The following HEXD variants were observed in gnomAD, a reference collection of about 807,000 sequenced individuals.
HEXD encodes N-acetyl-beta-galactosaminidase.
In HEXD, 47 loss-of-function variants were observed where a neutral mutation model predicts 54.2. That is an observed-to-expected ratio of 0.87 (90% CI 0.69 to 1.11). The LOEUF is 1.11. HEXD is among the 50% of genes least tolerant of loss of function. The pLI is 0.00. For synonymous variants in HEXD, 293 were observed against 287.6 expected (o/e 1.02, Z -0.19); for missense variants, 576 against 649.2 (o/e 0.89, Z 1.23).
At chr17:82,430,123 C>T (rs954725930) in intron 4 of HEXD, among the ~76,000 whole-genome samples, 1 of 152,164 alleles carries the variant, frequency 6.6e-6, no homozygotes, top group Admixed American at 6.5e-5. Flanking sequence ...TGAAACTTTC[C>T]TAATGGGTCT....
chr17:82,432,243 C>T (rs113195641), intron 4 of HEXD, among the ~76,000 whole-genome samples: 40 of 152,190 alleles, frequency 2.6e-4, no homozygotes, highest in Admixed American at 9.2e-4. Flanking sequence ...GTGTGGCCCC[C>T]GTCAGCCAGG....
chr17:82,429,373 A>G (rs2053512264), intron 4 of HEXD, among the ~76,000 whole-genome samples: 1 of 152,108 alleles, frequency 6.6e-6, no homozygotes, highest in Non-Finnish European at 1.5e-5. Flanking sequence ...TTTCTCTAAC[A>G]GATACACCAT....
rs757060236 is a variant in HEXD at position 82,441,228 on chromosome 17, T to A, written c.1125T>A (p.His375Gln). The change falls in exon 11 of 13, where the codon CAT (histidine) becomes CAA (glutamine). Residue 375 changes from histidine (H) to glutamine (Q), a missense_variant. By Grantham distance (24) the His-to-Gln change is conservative. Coordinates refer to ENST00000327949, the MANE Select transcript of HEXD (RefSeq NM_001330542.2). ...CCCTTGTCACACAAGTCAGCCTCCA[T>A]CTGCGCAGCTCTGTGGATGCGCTGC... ...ILALVTQVSL[H>Q]LRSSVDALLE... The A allele has an allele frequency of 9.9e-5, 160 of 1,612,666 alleles. 1 individual carries two copies. Among genetic ancestry groups the A allele is most frequent in the Non-Finnish European group, 8.4e-5 (99 of 1,179,904 alleles).
At chr17:82,421,411 C>T (rs895928526) in intron 2 of HEXD, among the ~76,000 whole-genome samples, 1 of 152,060 alleles carries the variant, frequency 6.6e-6, no homozygotes, top group Non-Finnish European at 1.5e-5. Context: ...AGGTGGAGGT[C>T]AAAAAACACT....
chr17:82,429,041 C>T (rs2053501550), intron 4 of HEXD, among the ~76,000 whole-genome samples: 1 of 152,046 alleles, frequency 6.6e-6, no homozygotes. Context: ...TGGTGGATCA[C>T]CTGAGGTCAG....
chr17:82,442,581 C>A lies in HEXD; in HGVS notation c.*197C>A. On this transcript the variant is annotated 3_prime_UTR_variant, in exon 13 of 13. Coordinates refer to ENST00000327949, the MANE Select transcript of HEXD (RefSeq NM_001330542.2). The surrounding 1 kb of genome is among the most constrained non-coding windows in gnomAD (Gnocchi z 6.8). ...CACAGAAGGAAGCAGCACAGGGAGA[C>A]CCGCTTTGTGATCTGCATGTGTGAC... 6.4e-7 allele frequency: 1 copy of A among 1,574,368 alleles called. No individual in the cohort carries two copies. Among genetic ancestry groups the A allele is most frequent in the South Asian group, 1.1e-5 (1 of 88,684 alleles).
At chr17:82,428,671 TGGTGCCA>T (rs1444249824) in intron 4 of HEXD, 26 bp downstream of exon 4, 21 of 1,599,178 alleles carry the variant, frequency 1.3e-5, no homozygotes, top group Non-Finnish European at 1.7e-5. Flanking sequence ...GGAAGTTACC[TGGTGCCA>T]GGTGTGGGGT....
At chr17:82,427,424 A>G (rs1044031555) in intron 3 of HEXD, 8 of 152,302 alleles carry the variant, frequency 5.3e-5, no homozygotes, top group Admixed American at 3.9e-4. Flanking sequence ...CTTCGGTTCC[A>G]TGTGTCAAAA....
chr17:82,441,343 G>T, intron 11 of HEXD, 77 bp downstream of exon 11: 1 of 1,410,108 alleles, frequency 7.1e-7, no homozygotes. Flanking sequence ...GGCAGGTGTG[G>T]GTGGGAGGCA....
At chr17:82,440,503 C>G in intron 9 of HEXD, 2 of 367,590 alleles carry the variant, frequency 5.4e-6, no homozygotes, top group Non-Finnish European at 9.6e-6. Context: ...ATCCGCCACC[C>G]GTGACTGGGG....
rs942626016 is a variant in HEXD at position 82,440,280 on chromosome 17, A to G, written c.982+567A>G. 13 of 1,283,340 alleles carry G rather than the reference A, an allele frequency of 1.0e-5. No homozygotes were observed. In the African/African-American group the frequency reaches 1.7e-4, roughly 17 times the overall value. The allele number at this position is 1,283,340 out of a possible 1,614,324, so 79.5% of individuals were successfully genotyped here. A position where few individuals can be genotyped will look rare whatever the true frequency, so the allele number is the denominator to read the frequency against. On this transcript the variant is annotated intron_variant, in intron 9 of 12. Transcript: ENST00000327949. ...TGATGCAGAAAGAAAAATGGCCGAG[A>G]CGCGCGGAGAGCGGGACCCGCAGGC...
At chr17:82,422,429 G>A (rs898364234) in intron 2 of HEXD, among the ~76,000 whole-genome samples, 4 of 151,754 alleles carry the variant, frequency 2.6e-5, no homozygotes, top group Admixed American at 6.6e-5. Context: ...CCTGGGTGGT[G>A]GAGGTTGCAG....
chr17:82,442,634 A>C lies in HEXD; in HGVS notation c.*250A>C. On this transcript the variant is annotated 3_prime_UTR_variant, in exon 13 of 13. Coordinates refer to ENST00000327949, the MANE Select transcript of HEXD (RefSeq NM_001330542.2). The surrounding 1 kb of genome is among the most constrained non-coding windows in gnomAD (Gnocchi z 6.8). ...TGATTCTTTGGAAATAAAGAGTGGA[A>C]GCTGCAGGTGACACGTGAAGGGTTA... The C allele has an allele frequency of 1.3e-6, 2 of 1,522,234 alleles. No individual in the cohort carries two copies. The highest frequency in any genetic ancestry group is 1.8e-6 in the Non-Finnish European group (2 of 1,124,038). The allele number at this position is 1,522,234 out of a possible 1,614,324, so 94.3% of individuals were successfully genotyped here.
chr17:82,441,881 A>G lies in HEXD; in HGVS notation c.1245A>G (p.Ala415=), dbSNP rs781506653. The G allele has an allele frequency of 1.1e-5, 18 of 1,613,178 alleles. No individual in the cohort carries two copies. The highest frequency in any genetic ancestry group is 1.1e-4 in the South Asian group (10 of 91,088). ...HPVMVQHIQP[A]ALSLLAQWST... ...TCATGGTTCAGCACATCCAGCCCGC[A>G]GCGCTCAGGTGAGGCCCTGGGCTCT... is the stretch of plus-strand genomic sequence containing the variant. The change falls in exon 12 of 13, where the codon GCA becomes GCG. Residue 415 remains alanine, a synonymous_variant. Coordinates refer to ENST00000327949, the MANE Select transcript of HEXD (RefSeq NM_001330542.2).
At chr17:82,441,503 C>T (rs2053965834) in intron 11 of HEXD, among the ~76,000 whole-genome samples, 1 of 121,266 alleles carries the variant, frequency 8.2e-6, no homozygotes, top group Non-Finnish European at 1.6e-5. Context: ...AGCAGGCAGG[C>T]ATGGGGCAGG....
Position 82,437,264 on chromosome 17 carries a change from CT to C in HEXD, c.801del (p.Val268LeufsTer28), listed in dbSNP as rs1226234221. The C allele has an allele frequency of 1.2e-6, 2 of 1,612,288 alleles. No homozygotes were observed. The highest frequency in any genetic ancestry group is 2.2e-5 in the East Asian group (1 of 44,856). Reference protein sequence around the residue: ...GATGPSQAVPPVEHHLRNHVQ... With the variant: ...GATGPSQAVPXVEHHLRNHVQ... The stretch of plus-strand genomic sequence containing the variant: ...ACGGGGCCCAGCCAGGCCGTGCCCC[CT>C]GTTGAGCACCACCTCAGGAACCACG... On this transcript the variant is annotated frameshift_variant, in exon 8 of 13. Transcript: ENST00000327949. LOFTEE classifies it high-confidence loss of function.
chr17:82,433,697 G>A lies in HEXD; in HGVS notation c.322G>A (p.Val108Met). The change falls in exon 5 of 13, where the codon GTG (valine) becomes ATG (methionine). Residue 108 changes from valine to methionine, a missense_variant. Transcript: ENST00000327949. ...CACGGCCTTCGCCCACCTGCGGGAG[G>A]TGGGCTCCTTCCCCTGCACCCTGAA... ...KHTAFAHLRE[V>M]GSFPCTLNPH... 1.2e-6 allele frequency: 2 copies of A among 1,610,656 alleles called. No homozygotes were observed. The highest frequency in any genetic ancestry group is 1.7e-5 in the Admixed American group (1 of 59,620).
intron 4 of HEXD, 73 bp downstream of exon 4, chr17:82,428,718 GC>G: frequency 7.6e-7 from 1 of 1,321,796 alleles, no homozygotes; most frequent in Non-Finnish European, 1.1e-6. Context: ...CCAGGCTTGT[GC>G]CCAGGGGTGG....
At position 82,434,667 on chromosome 17, in the gene HEXD, G is replaced by A. The variant is rs544237626; in HGVS notation, c.447+845G>A. On this transcript the variant is annotated intron_variant, in intron 5 of 12. Coordinates refer to ENST00000327949, the MANE Select transcript of HEXD (RefSeq NM_001330542.2). The surrounding 1 kb of genome is among the most constrained non-coding windows in gnomAD (Gnocchi z 4.5). ...AGTTTGGCCAATGTGGTGAAACCCCGTCTCTACTAAATATACAAAAATCAG... is the reference window on the plus strand; with the variant it reads ...AGTTTGGCCAATGTGGTGAAACCCCATCTCTACTAAATATACAAAAATCAG... Among the ~76,000 whole-genome samples, 14 of 152,104 alleles carry A rather than the reference G, an allele frequency of 9.2e-5. No homozygotes were observed. The South Asian group carries it at 2.5e-3, about 27-fold the overall frequency.
Sources: gnomAD v4.1 joint callset for allele counts (sites outside exome capture counted in the v4.1 genomes callset) on GRCh38, gnomAD v4.1.1 for gene constraint, Gnocchi (gnomAD v3.1) non-coding constraint, MANE v1.5 for transcripts, NCBI Gene and HGNC (gene_info 2026-07-23, HGNC 2026-07-21) for gene names.